MICU1: variants seen among roughly 807,000 people sequenced by gnomAD.
MICU1 encodes the protein mitochondrial calcium uptake 1.
MICU1 carries 45 observed loss-of-function variants against 56.8 expected under a neutral mutation model. The observed-to-expected ratio is 0.79, with a 90% CI of 0.62 to 1.02. The LOEUF (loss-of-function observed/expected upper bound fraction) is 1.02, where lower values mean the gene tolerates loss of function less well. Among genes scored for constraint, MICU1 ranks in the 50% least tolerant of loss-of-function variants. MICU1 has a pLI of 0.00. For synonymous variants in MICU1, 186 were observed against 195.1 expected, an observed-to-expected ratio of 0.95 and a Z score of 0.39; for missense variants, 504 against 587.1, an observed-to-expected ratio of 0.86 and a Z score of 1.46.
Position 72,475,205 on chromosome 10 carries a change from T to C in MICU1, c.828A>G (p.Ser276=). The C allele has an allele frequency of 1.2e-6, 2 of 1,611,380 alleles. No individual in the cohort carries two copies. The highest frequency in any genetic ancestry group is 1.7e-6 in the Non-Finnish European group (2 of 1,178,744). ...CTCCAAAAAAGTAGGTTGTGAGGGC[T>C]GAACACAAGCCAGACTTGAGGGTGT... is the stretch of plus-strand genomic sequence containing the variant. ...TGNTLKSGLC[S]ALTTYFFGAD... Residue 276 remains serine (S), a synonymous_variant, in exon 8 of 12, where the codon TCA becomes TCG. Transcript: ENST00000361114.
chr10:72,573,094 A>G (rs1366888168), intron 1 of MICU1, among the ~76,000 whole-genome samples: 1 of 152,114 alleles, frequency 6.6e-6, no homozygotes, highest in African/African-American at 2.4e-5. Flanking sequence ...TGATAAATCT[A>G]TATAAAGCAA....
chr10:72,434,531 C>A (rs1359259122), intron 8 of MICU1, among the ~76,000 whole-genome samples: 1 of 152,068 alleles, frequency 6.6e-6, no homozygotes, highest in Non-Finnish European at 1.5e-5. Context: ...AAACCCTAGT[C>A]TTGTGTTACA....
chr10:72,439,178 A>G (rs966734385), intron 8 of MICU1, among the ~76,000 whole-genome samples: 2 of 152,252 alleles, frequency 1.3e-5, no homozygotes, highest in Admixed American at 1.3e-4. Context: ...CAAATCCAGT[A>G]GCACATCAAA....
At chr10:72,615,648 A>G (rs2132578695) in intron 1 of MICU1, among the ~76,000 whole-genome samples, 1 of 152,192 alleles carries the variant, frequency 6.6e-6, no homozygotes, top group South Asian at 2.1e-4. Context: ...TCCATCTCCG[A>G]AAGTTCAGTT....
At chr10:72,508,612 T>C (rs1867338820) in intron 5 of MICU1, 2 of 162,746 alleles carry the variant, frequency 1.2e-5, no homozygotes, top group South Asian at 4.0e-4. Flanking sequence ...GTATACGTGG[T>C]AGTAAACAAA....
intron 1 of MICU1, among the ~76,000 whole-genome samples, chr10:72,582,570 C>A (rs7096575): frequency 0.59 from 89,199 of 151,672 alleles, 27,514 homozygotes; most frequent in Non-Finnish European, 0.68. Context: ...CCAACCTGGA[C>A]AATATGGCAA....
At chr10:72,534,537 A>G (rs746598853) in intron 4 of MICU1, among the ~76,000 whole-genome samples, 2 of 152,182 alleles carry the variant, frequency 1.3e-5, no homozygotes, top group African/African-American at 2.4e-5. Context: ...GGAGCATACA[A>G]TTAGTTCAAT....
intron 9 of MICU1, among the ~76,000 whole-genome samples, chr10:72,422,296 T>C (rs1025696383): frequency 6.6e-6 from 1 of 152,190 alleles, no homozygotes; most frequent in African/African-American, 2.4e-5. Context: ...GGAGAGCTCT[T>C]ATCAGAAACC....
At chr10:72,610,455 T>G (rs1589388775) in intron 1 of MICU1, among the ~76,000 whole-genome samples, 1 of 152,004 alleles carries the variant, frequency 6.6e-6, no homozygotes, top group African/African-American at 2.4e-5. Flanking sequence ...AAAAAGACTG[T>G]TTGCAAAGAC....
chr10:72,369,731 C>T (rs1456922963), intron 11 of MICU1, among the ~76,000 whole-genome samples: 3 of 151,852 alleles, frequency 2.0e-5, no homozygotes, highest in Non-Finnish European at 2.9e-5. Flanking sequence ...TGTTTTGAGA[C>T]GGAGTCTTGC....
chr10:72,395,406 T>A (rs745935270), intron 10 of MICU1, among the ~76,000 whole-genome samples: 3 of 152,156 alleles, frequency 2.0e-5, no homozygotes, highest in Admixed American at 6.5e-5. Flanking sequence ...AATTGAGGTA[T>A]CTGGTTCATC....
At chr10:72,529,933 C>T (rs2132402204) in intron 5 of MICU1, among the ~76,000 whole-genome samples, 1 of 139,518 alleles carries the variant, frequency 7.2e-6, no homozygotes, top group South Asian at 2.2e-4. Flanking sequence ...TACATGGATA[C>T]TAGGGGAAGG....
chr10:72,406,993 G>T (rs1393324261), intron 10 of MICU1, among the ~76,000 whole-genome samples: 1 of 152,146 alleles, frequency 6.6e-6, no homozygotes, highest in Non-Finnish European at 1.5e-5. Flanking sequence ...AACGGAGATG[G>T]ATCTCAAAAA....
At chr10:72,426,066 G>T (rs1030282269) in intron 8 of MICU1, among the ~76,000 whole-genome samples, 2 of 152,174 alleles carry the variant, frequency 1.3e-5, no homozygotes, top group African/African-American at 4.8e-5. Flanking sequence ...TGTCCAGGCT[G>T]GAGTACAGTG....
intron 6 of MICU1, among the ~76,000 whole-genome samples, chr10:72,484,514 A>C (rs1866403126): frequency 6.6e-6 from 1 of 152,224 alleles, no homozygotes; most frequent in African/African-American, 2.4e-5. Context: ...TGAAAACTAC[A>C]GAGCAAGTTC....
chr10:72,512,765 T>C (rs554892126), intron 5 of MICU1, among the ~76,000 whole-genome samples: 71 of 152,228 alleles, frequency 4.7e-4, no homozygotes, highest in Non-Finnish European at 7.4e-4. Context: ...AGTGATATGA[T>C]CTTGGATCAC....
intron 9 of MICU1, among the ~76,000 whole-genome samples, chr10:72,413,318 G>T (rs1863884196): frequency 6.6e-6 from 1 of 151,920 alleles, no homozygotes; most frequent in South Asian, 2.1e-4. Flanking sequence ...AATCCATAAA[G>T]GAAAAAAAAC....
intron 8 of MICU1, among the ~76,000 whole-genome samples, chr10:72,425,554 A>G (rs961752454): frequency 2.0e-5 from 3 of 152,228 alleles, no homozygotes; most frequent in African/African-American, 7.2e-5. Context: ...AATGGGCTCT[A>G]TTATGATTAT....
intron 3 of MICU1, among the ~76,000 whole-genome samples, chr10:72,551,945 A>G (rs866707367): frequency 6.6e-6 from 1 of 152,202 alleles, no homozygotes; most frequent in African/African-American, 2.4e-5. Context: ...CTAAATACCA[A>G]GTTTTTATAA....
Sources: allele counts gnomAD v4.1 joint callset (sites outside exome capture counted in the v4.1 genomes callset), GRCh38; gene constraint gnomAD v4.1.1; transcripts MANE v1.5; gene names NCBI Gene and HGNC (gene_info 2026-07-23, HGNC 2026-07-21).